ANKH: variants seen among roughly 807,000 people sequenced by gnomAD.
ANKH encodes the protein ANKH inorganic pyrophosphate transport regulator.
In ANKH, 15 loss-of-function variants were observed where a neutral mutation model predicts 49.0. The ratio of observed to expected loss-of-function variants is 0.31; its 90% CI spans 0.20 to 0.47. The LOEUF (loss-of-function observed/expected upper bound fraction) is 0.47, where lower values mean the gene tolerates loss of function less well. Among genes scored for constraint, ANKH ranks in the 20% least tolerant of loss-of-function variants. The pLI, the probability that ANKH is intolerant of heterozygous loss-of-function variation, is 1.00. For missense variants in ANKH, 429 were observed against 652.0 expected (o/e 0.66, Z 3.72); for synonymous variants, 273 against 260.0 (o/e 1.05, Z -0.48).
chr5:14,863,927 T>C (rs1735573613), intron 1 of ANKH, among the ~76,000 whole-genome samples: 1 of 152,104 alleles, frequency 6.6e-6, no homozygotes, highest in African/African-American at 2.4e-5. Context: ...TTAAAAACTG[T>C]TTTTAGGCTG....
intron 9 of ANKH, among the ~76,000 whole-genome samples, chr5:14,716,338 C>A (rs934131084): frequency 2.6e-5 from 4 of 152,072 alleles, no homozygotes. Context: ...ACTAAAAATA[C>A]AAAAATTAGT....
intron 1 of ANKH, among the ~76,000 whole-genome samples, chr5:14,853,044 A>G (rs1000514673): frequency 6.6e-6 from 1 of 152,170 alleles, no homozygotes; most frequent in Non-Finnish European, 1.5e-5. Flanking sequence ...AATCATGCTG[A>G]TGAGCCACGT....
At chr5:14,831,854 T>A (rs779560123) in intron 1 of ANKH, among the ~76,000 whole-genome samples, 77 of 152,202 alleles carry the variant, frequency 5.1e-4, no homozygotes, top group Non-Finnish European at 9.4e-4. Context: ...GTATTTCCCA[T>A]ATATGAATCT....
chr5:14,713,239 A>G lies in ANKH; in HGVS notation c.1266-266T>C, dbSNP rs1205276045. On this transcript the variant is annotated intron_variant, in intron 10 of 11. Coordinates refer to ENST00000284268, the MANE Select transcript of ANKH (RefSeq NM_054027.6). This position sits in a 1 kb window ranked among gnomAD's most constrained non-coding sequence, Gnocchi z 4.4. ...AGGACGCTGGGAGCTCCCTGAGCGC[A>G]GGGACCATGTCCTTCTCTTCTGGTT... Among the ~76,000 whole-genome samples the G allele has an allele frequency of 6.6e-6, 1 of 152,106 alleles. No individual in the cohort carries two copies. Among genetic ancestry groups the G allele is most frequent in the Non-Finnish European group, 1.5e-5 (1 of 68,004 alleles).
intron 1 of ANKH, among the ~76,000 whole-genome samples, chr5:14,772,527 G>C (rs1739478146): frequency 6.6e-6 from 1 of 152,092 alleles, no homozygotes; most frequent in African/African-American, 2.4e-5. Flanking sequence ...GCCTCTGAGA[G>C]CACACCTGCC....
chr5:14,777,321 A>G (rs528305199), intron 1 of ANKH, among the ~76,000 whole-genome samples: 141 of 152,204 alleles, frequency 9.3e-4, no homozygotes, highest in Non-Finnish European at 1.6e-3. Context: ...AACACCAAAC[A>G]TATCTGGGTC....
chr5:14,741,539 T>A (rs916552019), intron 8 of ANKH: 6 of 314,014 alleles, frequency 1.9e-5, no homozygotes, highest in Non-Finnish European at 3.6e-5. Flanking sequence ...GGGCTAGAAA[T>A]TTTTCAGCAA....
chr5:14,754,914 A>G (rs1006539628), intron 4 of ANKH, among the ~76,000 whole-genome samples: 4 of 152,090 alleles, frequency 2.6e-5, no homozygotes, highest in African/African-American at 9.7e-5. Context: ...CATCTCTACT[A>G]AAAATACAAA....
rs1434461858 is a variant in ANKH, at chr5:14,710,610, T to C, written c.*587A>G. 6.3e-6 allele frequency: 1 copy of C among 159,592 alleles called. No individual in the cohort carries two copies. Among genetic ancestry groups the C allele is most frequent in the Non-Finnish European group, 1.4e-5 (1 of 72,294 alleles). 9.9% of individuals were successfully genotyped at this position (159,592 alleles called of 1,614,324 possible). On this transcript the variant is annotated 3_prime_UTR_variant, in exon 12 of 12. Coordinates refer to ENST00000284268, the MANE Select transcript of ANKH (RefSeq NM_054027.6). ...GTGGTCACAGGTCTCCGTTCCTCAGTGTGAACGGGGACTCCGGGCTGCAGC... is the reference window on the plus strand; with the variant it reads ...GTGGTCACAGGTCTCCGTTCCTCAGCGTGAACGGGGACTCCGGGCTGCAGC...
intron 4 of ANKH, among the ~76,000 whole-genome samples, chr5:14,753,712 C>T (rs577832515): frequency 1.4e-4 from 21 of 152,144 alleles, no homozygotes; most frequent in Non-Finnish European, 2.5e-4. Context: ...AAAATAATGA[C>T]GGCAAAGAAA....
intron 1 of ANKH, among the ~76,000 whole-genome samples, chr5:14,806,812 C>T: frequency 6.6e-6 from 1 of 152,184 alleles, no homozygotes; most frequent in East Asian, 1.9e-4. Context: ...TGAACTGATG[C>T]CTATGCAGTC....
At chr5:14,840,784 C>T (rs1741793189) in intron 1 of ANKH, among the ~76,000 whole-genome samples, 2 of 152,204 alleles carry the variant, frequency 1.3e-5, no homozygotes, top group African/African-American at 4.8e-5. Context: ...ACATGCCCTT[C>T]ACAGTCAGTA....
At chr5:14,824,858 T>C (rs982731576) in intron 1 of ANKH, among the ~76,000 whole-genome samples, 3 of 152,120 alleles carry the variant, frequency 2.0e-5, no homozygotes, top group African/African-American at 7.2e-5. Flanking sequence ...GTGAGCAATA[T>C]CACTTTCTCA....
intron 6 of ANKH, among the ~76,000 whole-genome samples, chr5:14,747,501 A>G (rs960695945): frequency 6.6e-6 from 1 of 152,176 alleles, no homozygotes; most frequent in Non-Finnish European, 1.5e-5. Flanking sequence ...TTGAGGCTGC[A>G]GTGAGCTGTG....
chr5:14,805,537 T>C (rs1740685568), intron 1 of ANKH, among the ~76,000 whole-genome samples: 2 of 150,316 alleles, frequency 1.3e-5, no homozygotes, highest in African/African-American at 4.9e-5. Context: ...CATATATATA[T>C]CTCTCCTATC....
chr5:14,722,137 T>G (rs1467421542), intron 8 of ANKH, among the ~76,000 whole-genome samples: 1 of 152,150 alleles, frequency 6.6e-6, no homozygotes, highest in Non-Finnish European at 1.5e-5. Context: ...GTCATTTTAA[T>G]GAGTTCACCC....
chr5:14,871,459 T>A lies in ANKH; in HGVS notation c.-12A>T. The A allele has an allele frequency of 6.2e-7, 1 of 1,608,172 alleles. No homozygotes were observed. The highest frequency in any genetic ancestry group is 8.5e-7 in the Non-Finnish European group (1 of 1,176,490). ...GGGAATTTCACCATAGTCCCCGCCG[T>A]GGGCTGACCCCACACACATCTGCTG... is the stretch of plus-strand genomic sequence containing the variant. On this transcript the variant is annotated 5_prime_UTR_variant, in exon 1 of 12. Coordinates refer to ENST00000284268, the MANE Select transcript of ANKH (RefSeq NM_054027.6).
At chr5:14,835,997 A>G (rs971176484) in intron 1 of ANKH, among the ~76,000 whole-genome samples, 2 of 152,238 alleles carry the variant, frequency 1.3e-5, no homozygotes, top group Non-Finnish European at 2.9e-5. Context: ...CATCACATAA[A>G]CAGAACCAAA....
chr5:14,781,489 C>G (rs532498165), intron 1 of ANKH, among the ~76,000 whole-genome samples: 3 of 152,198 alleles, frequency 2.0e-5, no homozygotes, highest in African/African-American at 7.2e-5. Flanking sequence ...CACGGTACAA[C>G]GATGTTTGGC....
Sources: gnomAD v4.1 joint callset for allele counts (sites outside exome capture counted in the v4.1 genomes callset) on GRCh38, gnomAD v4.1.1 for gene constraint, Gnocchi (gnomAD v3.1) non-coding constraint, MANE v1.5 for transcripts, NCBI Gene and HGNC (gene_info 2026-07-23, HGNC 2026-07-21) for gene names.